HDAC8: variants seen among roughly 807,000 people sequenced by gnomAD.
HDAC8 encodes histone deacetylase 8.
Under a neutral mutation model 32.2 loss-of-function variants are expected in HDAC8, and 1 was observed. That is an observed-to-expected ratio of 0.03 (90% confidence interval 0.01 to 0.15). HDAC8 has a LOEUF of 0.15. HDAC8 is among the 10% of genes least tolerant of loss of function. HDAC8 has a pLI of 1.00. For synonymous variants in HDAC8, 108 were observed against 113.9 expected (o/e 0.95, Z 0.33); for missense variants, 117 against 300.0 (o/e 0.39, Z 4.51).
At chrX:72,454,948 A>G (rs1291615698) in intron 9 of HDAC8, among the ~76,000 whole-genome samples, 4 of 112,559 alleles carry the variant, frequency 3.6e-5, no homozygotes, top group Non-Finnish European at 7.5e-5. Context: ...TTAGCATCTC[A>G]TTTACAGAAT....
chrX:72,455,079 T>C (rs2047684398), intron 9 of HDAC8, among the ~76,000 whole-genome samples: 1 of 112,331 alleles, frequency 8.9e-6, no homozygotes, highest in Admixed American at 9.5e-5. Context: ...TTTATGTGAA[T>C]GGTTGGCAAC....
chrX:72,506,056 C>T (rs2049381057), intron 4 of HDAC8, among the ~76,000 whole-genome samples: 1 of 111,944 alleles, frequency 8.9e-6, no homozygotes, highest in Non-Finnish European at 1.9e-5. Context: ...AGCTTGCCCT[C>T]TTTTCCAGGA....
chrX:72,377,020 A>G (rs2045101778), intron 9 of HDAC8: 1 of 110,380 alleles, frequency 9.1e-6, no homozygotes, highest in South Asian at 3.9e-4. Context: ...TACCAGGTTG[A>G]TGCATGGAGT....
intron 9 of HDAC8, among the ~76,000 whole-genome samples, chrX:72,457,888 C>T (rs868983099): frequency 7.6e-4 from 84 of 110,741 alleles, no homozygotes; most frequent in Non-Finnish European, 1.3e-3. Flanking sequence ...TACATATGTT[C>T]CCTAATATGA....
chrX:72,504,936 G>T (rs1417532061), intron 4 of HDAC8, among the ~76,000 whole-genome samples: 4 of 110,827 alleles, frequency 3.6e-5, no homozygotes, highest in Admixed American at 9.6e-5. Context: ...TTGTGGATCT[G>T]GTTTGCATTT....
chrX:72,352,218 T>C (rs1555949158), intron 9 of HDAC8, among the ~76,000 whole-genome samples: 1 of 111,093 alleles, frequency 9.0e-6, no homozygotes, highest in East Asian at 2.8e-4. Flanking sequence ...TCCTGGGGAC[T>C]GCAAAGGCCC....
intron 9 of HDAC8, among the ~76,000 whole-genome samples, chrX:72,386,673 C>T (rs782145943): frequency 9.0e-5 from 10 of 111,593 alleles, no homozygotes; most frequent in Non-Finnish European, 1.5e-4. Context: ...TATACTAGCT[C>T]CATGACAGAT....
chrX:72,554,478 T>TGGAGCGGGTAGGGCGGGG lies in HDAC8; in HGVS notation c.437+13393_437+13410dup, dbSNP rs1206039259. Among the ~76,000 whole-genome samples, 17 of 13,762 alleles carry TGGAGCGGGTAGGGCGGGG rather than the reference T, an allele frequency of 1.2e-3. 1 individual carries two copies. Among genetic ancestry groups the TGGAGCGGGTAGGGCGGGG allele is most frequent in the South Asian group, 0.014 (2 of 141 alleles). The allele number at this position is 13,762 out of a possible 115,157, so 12.0% of individuals were successfully genotyped here. On this transcript the variant is annotated intron_variant, in intron 4 of 10. Coordinates refer to ENST00000373573, the MANE Select transcript of HDAC8 (RefSeq NM_018486.3). ...GCCTGGAAATAGACTCAGTGCTGTTTGGAGCGGGTAGGGCGGGGGGAGCGG... is the reference window on the plus strand; with the variant it reads ...GCCTGGAAATAGACTCAGTGCTGTTTGGAGCGGGTAGGGCGGGGGGAGCGGGTAGGGCGGGGGGAGCGG...
chrX:72,459,572 G>T (rs1280271461), intron 9 of HDAC8, among the ~76,000 whole-genome samples: 1 of 110,997 alleles, frequency 9.0e-6, no homozygotes, highest in Admixed American at 9.6e-5. Context: ...GGAGGGCAGG[G>T]TATTTTATGT....
At chrX:72,419,953 C>T (rs2147923197) in intron 9 of HDAC8, among the ~76,000 whole-genome samples, 1 of 111,353 alleles carries the variant, frequency 9.0e-6, no homozygotes, top group African/African-American at 3.2e-5. Context: ...TGGGATAAAT[C>T]CCACCTGGTC....
chrX:72,383,592 C>T (rs1244121054), intron 9 of HDAC8, among the ~76,000 whole-genome samples: 2 of 111,591 alleles, frequency 1.8e-5, no homozygotes, highest in East Asian at 5.6e-4. Context: ...TAGTTTTGGC[C>T]GGGCACGGTG....
chrX:72,396,176 T>C (rs2045756148), intron 9 of HDAC8, among the ~76,000 whole-genome samples: 1 of 112,357 alleles, frequency 8.9e-6, no homozygotes, highest in South Asian at 3.7e-4. Flanking sequence ...CTTCCCACCT[T>C]CAGATACCCC....
intron 7 of HDAC8, among the ~76,000 whole-genome samples, chrX:72,479,709 C>T (rs1190030690): frequency 4.4e-5 from 5 of 112,448 alleles, no homozygotes; most frequent in Non-Finnish European, 9.4e-5. Flanking sequence ...AGGGCTACTT[C>T]GTGCAGTTCA....
At chrX:72,391,515 G>T (rs2045611892) in intron 9 of HDAC8, among the ~76,000 whole-genome samples, 1 of 112,361 alleles carries the variant, frequency 8.9e-6, no homozygotes, top group Non-Finnish European at 1.9e-5. Flanking sequence ...AATAAGGAGA[G>T]CTTTCAAATG....
In HDAC8 at chrX:72,476,860, A is replaced by G. The variant is rs139990828; in HGVS notation, c.737+12073T>C. On this transcript the variant is annotated intron_variant, in intron 7 of 10. Transcript: ENST00000373573. ...GATACTGGTGAGTTCAGCACAGCAC[A>G]CCAGAGCAGTGACTTCCTGAATAGT... Among the ~76,000 whole-genome samples, 365 of 111,642 alleles carry G rather than the reference A, an allele frequency of 3.3e-3. 2 individuals carry two copies. Among genetic ancestry groups the G allele is most frequent in the Non-Finnish European group, 5.4e-3 (289 of 53,135 alleles).
intron 7 of HDAC8, among the ~76,000 whole-genome samples, chrX:72,488,481 AC>A (rs1262303160): frequency 8.9e-6 from 1 of 111,813 alleles, no homozygotes; most frequent in African/African-American, 3.3e-5. Context: ...CAATTTTAAC[AC>A]AGTGGATAGA....
chrX:72,356,355 G>C (rs1053729560), intron 9 of HDAC8, among the ~76,000 whole-genome samples: 22 of 111,231 alleles, frequency 2.0e-4, no homozygotes, highest in African/African-American at 6.2e-4. Flanking sequence ...ATGACTAGGG[G>C]GCACGGACAA....
chrX:72,371,791 A>G (rs371518311), intron 9 of HDAC8, among the ~76,000 whole-genome samples: 43 of 112,166 alleles, frequency 3.8e-4, no homozygotes, highest in African/African-American at 1.3e-3. Flanking sequence ...CTATGAATGC[A>G]GGCAATCCAA....
chrX:72,350,460 A>G (rs1451158867), intron 10 of HDAC8, among the ~76,000 whole-genome samples: 1 of 111,422 alleles, frequency 9.0e-6, no homozygotes, highest in Non-Finnish European at 1.9e-5. Flanking sequence ...ACTCCAGCAT[A>G]GAACAGGCCT....
Sources: allele counts gnomAD v4.1 joint callset (sites outside exome capture counted in the v4.1 genomes callset), GRCh38; gene constraint gnomAD v4.1.1; transcripts MANE v1.5; gene names NCBI Gene and HGNC (gene_info 2026-07-23, HGNC 2026-07-21).